The following TSNARE1 variants were observed in gnomAD, a reference collection of about 807,000 sequenced individuals.
The protein encoded by TSNARE1 is t-SNARE domain containing 1.
TSNARE1 carries 49 observed loss-of-function variants against 62.0 expected under a neutral mutation model. That is an observed-to-expected ratio of 0.79 (90% CI 0.63 to 1.00). The LOEUF is 1.00. Among genes scored for constraint, TSNARE1 ranks in the 50% least tolerant of loss-of-function variants. The pLI is 0.00. For missense variants in TSNARE1, 755 were observed against 700.1 expected, an observed-to-expected ratio of 1.08 and a Z score of -0.88; for synonymous variants, 328 against 294.4, an observed-to-expected ratio of 1.11 and a Z score of -1.17.
chr8:142,288,671 G>A (rs1823221254), intron 10 of TSNARE1, among the ~76,000 whole-genome samples: 1 of 152,272 alleles, frequency 6.6e-6, no homozygotes, highest in Non-Finnish European at 1.5e-5. Context: ...AGACAGAGGA[G>A]CTGGTGGGGG....
chr8:142,218,658 C>T (rs1021951840), intron 13 of TSNARE1, among the ~76,000 whole-genome samples: 9 of 152,174 alleles, frequency 5.9e-5, no homozygotes, highest in Admixed American at 1.3e-4. Context: ...GGCCGACACC[C>T]GACACACTCA....
chr8:142,283,386 C>T (rs1822046745), intron 11 of TSNARE1, among the ~76,000 whole-genome samples: 1 of 150,166 alleles, frequency 6.7e-6, no homozygotes, highest in Non-Finnish European at 1.5e-5. Flanking sequence ...TGTCAATGAG[C>T]AGAGGCGGGG....
At position 142,271,073 on chromosome 8, in the gene TSNARE1, A is replaced by AC. The variant is rs1010822716; in HGVS notation, c.1446+3707dup. On this transcript the variant is annotated intron_variant, in intron 12 of 13. Coordinates refer to ENST00000524325, the MANE Select transcript of TSNARE1 (RefSeq NM_145003.5). Reference sequence around the variant, plus strand: ...GCTCCTGCCCTTTGGCTCTGCCAGCACCCCCGACCAGCCCTATATCTCCTC... The same window carrying AC: ...GCTCCTGCCCTTTGGCTCTGCCAGCACCCCCCGACCAGCCCTATATCTCCTC... 14 of 985,582 alleles carry AC rather than the reference A, an allele frequency of 1.4e-5. No individual in the cohort carries two copies. The African/African-American group carries it at 2.4e-4, about 17-fold the overall frequency. The allele number at this position is 985,582 out of a possible 1,614,324, so 61.1% of individuals were successfully genotyped here.
At chr8:142,365,949 C>T in intron 1 of TSNARE1, 1 of 449,310 alleles carries the variant, frequency 2.2e-6, no homozygotes, top group Non-Finnish European at 4.4e-6. Flanking sequence ...TGTGCAGCTA[C>T]AGCAGCTGAT....
intron 6 of TSNARE1, among the ~76,000 whole-genome samples, chr8:142,320,413 A>G (rs1436760423): frequency 8.6e-6 from 1 of 116,540 alleles, no homozygotes; most frequent in African/African-American, 3.4e-5. Flanking sequence ...TCCCCACACC[A>G]CCCTCCTGTA....
At chr8:142,306,144 G>T (rs547930493) in intron 9 of TSNARE1, among the ~76,000 whole-genome samples, 1 of 152,316 alleles carries the variant, frequency 6.6e-6, no homozygotes, top group African/African-American at 2.4e-5. Flanking sequence ...TTCACTGGTG[G>T]AGTCTCTGGA....
intron 12 of TSNARE1, among the ~76,000 whole-genome samples, chr8:142,265,861 A>G (rs1819111875): frequency 6.6e-6 from 1 of 152,148 alleles, no homozygotes; most frequent in South Asian, 2.1e-4. Context: ...TGCTACCCAT[A>G]TATCTACTTT....
intron 1 of TSNARE1, among the ~76,000 whole-genome samples, chr8:142,379,478 A>G (rs1454498681): frequency 2.6e-5 from 4 of 152,206 alleles, no homozygotes; most frequent in Admixed American, 1.3e-4. Flanking sequence ...ACAACTTCTA[A>G]AACAAACACG....
At chr8:142,388,448 T>C (rs1837255905) in intron 1 of TSNARE1, among the ~76,000 whole-genome samples, 1 of 136,128 alleles carries the variant, frequency 7.3e-6, no homozygotes, top group Admixed American at 7.7e-5. Flanking sequence ...AGGTTAACCA[T>C]CACTATTTGC....
At chr8:142,311,290 G>GTT (rs58755110) in intron 9 of TSNARE1, among the ~76,000 whole-genome samples, 679 of 57,238 alleles carry the variant, frequency 0.012, 6 homozygotes, top group Middle Eastern at 0.017. Context: ...AGCCTCTCTA[G>GTT]TTTTTTTTTT....
chr8:142,363,907 G>A (rs548467156), intron 1 of TSNARE1, among the ~76,000 whole-genome samples: 9 of 152,352 alleles, frequency 5.9e-5, no homozygotes, highest in East Asian at 5.8e-4. Flanking sequence ...CTCATGTGGA[G>A]ATGTGTAGGA....
chr8:142,371,619 G>A (rs1587055248), intron 1 of TSNARE1, among the ~76,000 whole-genome samples: 1 of 152,318 alleles, frequency 6.6e-6, no homozygotes, highest in East Asian at 1.9e-4. Context: ...GGGCTGTAAA[G>A]GAGCACAAAG....
intron 9 of TSNARE1, among the ~76,000 whole-genome samples, chr8:142,303,420 G>A (rs144080310): frequency 3.9e-5 from 6 of 152,336 alleles, no homozygotes; most frequent in East Asian, 3.9e-4. Context: ...CCTGAGGCCC[G>A]AGAACCCTCT....
At chr8:142,332,270 A>G (rs1038666657) in intron 4 of TSNARE1, among the ~76,000 whole-genome samples, 6 of 152,182 alleles carry the variant, frequency 3.9e-5, no homozygotes, top group Admixed American at 2.0e-4. Flanking sequence ...TTTCCGCACA[A>G]TGCAGGTGAG....
At chr8:142,289,952 G>C (rs896908291) in intron 10 of TSNARE1, among the ~76,000 whole-genome samples, 3 of 152,194 alleles carry the variant, frequency 2.0e-5, no homozygotes, top group Non-Finnish European at 2.9e-5. Flanking sequence ...CCCACCACAA[G>C]AGACAGAAGA....
intron 1 of TSNARE1, 77 bp from the exon 2 acceptor site, chr8:142,354,840 C>A (rs566731709): frequency 1.3e-6 from 1 of 790,578 alleles, no homozygotes; most frequent in Non-Finnish European, 2.1e-6. Flanking sequence ...TGCACAGGGG[C>A]CGCCGGCCCC....
At chr8:142,288,889 T>C (rs934530605) in intron 10 of TSNARE1, among the ~76,000 whole-genome samples, 2 of 152,350 alleles carry the variant, frequency 1.3e-5, no homozygotes, top group African/African-American at 2.4e-5. Flanking sequence ...GAGGGGACCA[T>C]GGCTCCTAGC....
chr8:142,279,900 G>C, intron 11 of TSNARE1: 1 of 1,038,122 alleles, frequency 9.6e-7, no homozygotes, highest in Non-Finnish European at 1.2e-6. Flanking sequence ...CTTGGGGACC[G>C]TGGGCAGAAA....
At chr8:142,376,089 C>T (rs532428759) in intron 1 of TSNARE1, among the ~76,000 whole-genome samples, 2 of 152,192 alleles carry the variant, frequency 1.3e-5, no homozygotes, top group Non-Finnish European at 1.5e-5. Flanking sequence ...CTGCAGAGTC[C>T]GCGCCTCCCT....
Sources: allele counts gnomAD v4.1 joint callset (sites outside exome capture counted in the v4.1 genomes callset), GRCh38; gene constraint gnomAD v4.1.1; transcripts MANE v1.5; gene names NCBI Gene and HGNC (gene_info 2026-07-23, HGNC 2026-07-21).